SCARB1: variants seen among roughly 807,000 people sequenced by gnomAD.
SCARB1 encodes the protein scavenger receptor class B member 1.
In SCARB1, 30 loss-of-function variants were observed where a neutral mutation model predicts 57.2. That is an observed-to-expected ratio of 0.52 (90% CI 0.39 to 0.71). SCARB1 has a LOEUF of 0.71. Among genes scored for constraint, SCARB1 ranks in the 30% least tolerant of loss-of-function variants. The probability of loss-of-function intolerance (pLI) is 0.00; values close to 1 mark genes in which losing one functional copy is unlikely to be tolerated. For missense variants in SCARB1, 543 were observed against 671.2 expected, an observed-to-expected ratio of 0.81 and a Z score of 2.11; for synonymous variants, 249 against 268.3, an observed-to-expected ratio of 0.93 and a Z score of 0.70.
intron 1 of SCARB1, among the ~76,000 whole-genome samples, chr12:124,841,263 G>A (rs966573356): frequency 2.0e-5 from 3 of 152,034 alleles, no homozygotes; most frequent in South Asian, 4.2e-4. Flanking sequence ...TCCCAGCTAC[G>A]CGGGAGGCTG....
At chr12:124,830,158 C>A (rs1951329516) in intron 1 of SCARB1, among the ~76,000 whole-genome samples, 1 of 152,240 alleles carries the variant, frequency 6.6e-6, no homozygotes, top group African/African-American at 2.4e-5. Flanking sequence ...GATCCCATGC[C>A]ATACACCAGA....
intron 9 of SCARB1, among the ~76,000 whole-genome samples, chr12:124,792,578 T>C (rs1382717888): frequency 6.6e-6 from 1 of 151,776 alleles, no homozygotes; most frequent in Non-Finnish European, 1.5e-5. Context: ...AAAAATTAGC[T>C]GGGTGTACTA....
chr12:124,846,729 C>CAAAA (rs5801572), intron 1 of SCARB1, among the ~76,000 whole-genome samples: 10 of 46,026 alleles, frequency 2.2e-4, no homozygotes, highest in Admixed American at 8.1e-4. Flanking sequence ...GACTCCATCT[C>CAAAA]AAAAAAAAAA....
intron 11 of SCARB1, 166 bp from the exon 12 acceptor site, chr12:124,782,977 G>T: frequency 3.0e-6 from 2 of 663,636 alleles, no homozygotes; most frequent in Non-Finnish European, 2.6e-6. Context: ...GGGAGCTGCC[G>T]CTCTTAGACA....
In SCARB1 at chr12:124,795,288, G is replaced by A; in HGVS notation, c.1129-20C>T. On this transcript the variant is annotated intron_variant, in intron 8 of 12. Transcript: ENST00000261693. ...CGTGACCTGCGGCAACAAACACAGT[G>A]AGGAGACTGGCCACCCCCAAGCTCC... The A allele has an allele frequency of 6.2e-7, 1 of 1,607,334 alleles. No individual in the cohort carries two copies. Among genetic ancestry groups the A allele is most frequent in the South Asian group, 1.1e-5 (1 of 90,924 alleles).
intron 1 of SCARB1, among the ~76,000 whole-genome samples, chr12:124,850,912 C>T (rs138764922): frequency 8.5e-5 from 13 of 152,274 alleles, no homozygotes; most frequent in African/African-American, 2.9e-4. Context: ...ACAGCCCCTC[C>T]TTTTTGCCTT....
chr12:124,833,341 C>T (rs768149631), intron 1 of SCARB1, among the ~76,000 whole-genome samples: 1 of 152,040 alleles, frequency 6.6e-6, no homozygotes, highest in Non-Finnish European at 1.5e-5. Flanking sequence ...AAGCATACAC[C>T]ACCACGCCTG....
chr12:124,841,140 G>A (rs1417141221), intron 1 of SCARB1, among the ~76,000 whole-genome samples: 3 of 152,234 alleles, frequency 2.0e-5, no homozygotes, highest in African/African-American at 7.2e-5. Flanking sequence ...GGGAGGCCGA[G>A]GTGGGCGGAT....
intron 1 of SCARB1, among the ~76,000 whole-genome samples, chr12:124,828,508 G>A (rs572082396): frequency 6.6e-6 from 1 of 152,300 alleles, no homozygotes; most frequent in East Asian, 1.9e-4. Context: ...AGACACCAGG[G>A]GAGCAGAATC....
At chr12:124,862,126 A>G (rs1175304156) in intron 1 of SCARB1, among the ~76,000 whole-genome samples, 2 of 152,152 alleles carry the variant, frequency 1.3e-5, no homozygotes, top group Admixed American at 6.5e-5. Flanking sequence ...CAGCAGCCAC[A>G]AGGCTGTCAC....
Position 124,778,319 on chromosome 12 carries a change from C to T in SCARB1, c.*268G>A, listed in dbSNP as rs1872703633. 2.5e-6 allele frequency: 2 copies of T among 807,816 alleles called. No individual in the cohort carries two copies. Among genetic ancestry groups the T allele is most frequent in the Non-Finnish European group, 3.3e-6 (2 of 599,146 alleles). The allele number at this position is 807,816 out of a possible 1,614,324, so 50.0% of individuals were successfully genotyped here. ...TGTGGGCCACGTGGAGAGAAGGTTC[C>T]AGAACAGTGCTTGTTGACGAGCCTC... is the stretch of plus-strand genomic sequence containing the variant. On this transcript the variant is annotated 3_prime_UTR_variant, in exon 13 of 13. Transcript: ENST00000261693.
At chr12:124,790,219 A>C (rs1949679011) in intron 9 of SCARB1, among the ~76,000 whole-genome samples, 1 of 151,910 alleles carries the variant, frequency 6.6e-6, no homozygotes, top group Admixed American at 6.6e-5. Flanking sequence ...CTACAAAAAA[A>C]ACACAAAAAT....
intron 4 of SCARB1, among the ~76,000 whole-genome samples, chr12:124,813,208 TTTCTTCCTCCCTAAG>T (rs1950584143): frequency 6.6e-6 from 1 of 152,176 alleles, no homozygotes; most frequent in Non-Finnish European, 1.5e-5. Flanking sequence ...GGACATTGGT[TTTCTTCCTCCCTAAG>T]AGGGAGGAAA....
intron 1 of SCARB1, chr12:124,821,493 C>CTG (rs1950956592): frequency 1.0e-6 from 1 of 985,164 alleles, no homozygotes; most frequent in African/African-American, 1.8e-5. Flanking sequence ...CTCTCTCTCT[C>CTG]TCTCTCCCCA....
intron 1 of SCARB1, among the ~76,000 whole-genome samples, chr12:124,835,686 CA>C (rs1951622120): frequency 6.6e-6 from 1 of 152,182 alleles, no homozygotes; most frequent in South Asian, 2.1e-4. Context: ...AAACAGATGC[CA>C]CAAACTGGGC....
intron 12 of SCARB1, among the ~76,000 whole-genome samples, chr12:124,780,147 G>T (rs1396519810): frequency 6.6e-6 from 1 of 152,182 alleles, no homozygotes; most frequent in Non-Finnish European, 1.5e-5. Flanking sequence ...TTGTTTGACT[G>T]AGGAACATGG....
intron 7 of SCARB1, among the ~76,000 whole-genome samples, chr12:124,806,394 A>G (rs1280338143): frequency 6.6e-6 from 1 of 152,172 alleles, no homozygotes; most frequent in Admixed American, 6.5e-5. Context: ...CACACCAACA[A>G]TGTCAGGGGA....
intron 1 of SCARB1, among the ~76,000 whole-genome samples, chr12:124,847,530 C>G (rs931039645): frequency 3.9e-5 from 6 of 152,228 alleles, no homozygotes; most frequent in Non-Finnish European, 8.8e-5. Context: ...ACCCGACCAG[C>G]CCTGAGACCC....
Position 124,800,377 on chromosome 12 carries a change from C to A in SCARB1, c.1010-135G>T. On this transcript the variant is annotated intron_variant, in intron 7 of 12. Coordinates refer to ENST00000261693, the MANE Select transcript of SCARB1 (RefSeq NM_005505.5). The surrounding 1 kb of genome is among the most constrained non-coding windows in gnomAD (Gnocchi z 4.8). Reference sequence around the variant, plus strand: ...GACAAGATAACCAGACAGAGAGGATCCCTTCCTCCATTCTGTAAAAAGCCC... The same window carrying A: ...GACAAGATAACCAGACAGAGAGGATACCTTCCTCCATTCTGTAAAAAGCCC... The A allele has an allele frequency of 3.1e-6, 2 of 649,140 alleles. No homozygotes were observed. The highest frequency in any genetic ancestry group is 2.7e-5 in the East Asian group (1 of 36,894). 40.2% of individuals were successfully genotyped at this position (649,140 alleles called of 1,614,324 possible).
Sources: gnomAD v4.1 joint callset for allele counts (sites outside exome capture counted in the v4.1 genomes callset) on GRCh38, gnomAD v4.1.1 for gene constraint, Gnocchi (gnomAD v3.1) non-coding constraint, MANE v1.5 for transcripts, NCBI Gene and HGNC (gene_info 2026-07-23, HGNC 2026-07-21) for gene names.